MTHFD2L: variants seen among roughly 807,000 people sequenced by gnomAD.
MTHFD2L encodes bifunctional methylenetetrahydrofolate dehydrogenase/cyclohydrolase 2, mitochondrial.
Under a neutral mutation model 34.9 loss-of-function variants are expected in MTHFD2L, and 29 were observed. The ratio of observed to expected loss-of-function variants is 0.83; its 90% confidence interval spans 0.62 to 1.13. The LOEUF (loss-of-function observed/expected upper bound fraction) is 1.13, where lower values mean the gene tolerates loss of function less well. Ranked by LOEUF, MTHFD2L falls within the 50% of genes most tolerant of loss-of-function variation. The pLI, the probability that MTHFD2L is intolerant of heterozygous loss-of-function variation, is 0.00. For missense variants in MTHFD2L, 481 were observed against 446.5 expected (o/e 1.08, Z -0.70); for synonymous variants, 167 against 155.7 (o/e 1.07, Z -0.54).
intron 5 of MTHFD2L, among the ~76,000 whole-genome samples, chr4:74,205,858 A>C (rs1735206308): frequency 6.6e-6 from 1 of 152,118 alleles, no homozygotes; most frequent in Admixed American, 6.6e-5. Context: ...TATGATATAC[A>C]AGTATGGGTA....
chr4:74,140,866 C>T (rs141271964), intron 1 of MTHFD2L, among the ~76,000 whole-genome samples: 295 of 152,264 alleles, frequency 1.9e-3, no homozygotes, highest in African/African-American at 6.0e-3. Context: ...ACTGCCCCCA[C>T]GATTCAATTT....
chr4:74,167,223 A>G (rs546889886), intron 1 of MTHFD2L, among the ~76,000 whole-genome samples: 1 of 152,328 alleles, frequency 6.6e-6, no homozygotes, highest in South Asian at 2.1e-4. Flanking sequence ...CAAGGGCTTT[A>G]GCAGCAAGCC....
intron 7 of MTHFD2L, among the ~76,000 whole-genome samples, chr4:74,292,484 A>G (rs940836830): frequency 6.6e-5 from 10 of 152,108 alleles, no homozygotes; most frequent in South Asian, 2.1e-4. Flanking sequence ...AGGCCCTGCC[A>G]AGAGATTTGG....
upstream of MTHFD2L, among the ~76,000 whole-genome samples, chr4:74,154,282 G>T (rs948078144): frequency 6.6e-6 from 1 of 152,130 alleles, no homozygotes; most frequent in Admixed American, 6.5e-5. Flanking sequence ...GGTAGTGTTT[G>T]TCAGGTTTCT....
intron 1 of MTHFD2L, among the ~76,000 whole-genome samples, chr4:74,131,965 G>A (rs1271620533): frequency 6.6e-6 from 1 of 152,112 alleles, no homozygotes; most frequent in Non-Finnish European, 1.5e-5. Flanking sequence ...CATTTATGCG[G>A]CCAAAAAAAC....
intron 3 of MTHFD2L, among the ~76,000 whole-genome samples, chr4:74,189,876 G>A (rs1188054060): frequency 6.6e-6 from 1 of 151,730 alleles, no homozygotes; most frequent in Non-Finnish European, 1.5e-5. Context: ...AAGGCCCTAT[G>A]GAAGATGGAT....
At chr4:74,258,574 G>T (rs924064854) in intron 6 of MTHFD2L, among the ~76,000 whole-genome samples, 1 of 152,104 alleles carries the variant, frequency 6.6e-6, no homozygotes, top group African/African-American at 2.4e-5. Flanking sequence ...CAGGACTTGA[G>T]TATATGAGGA....
At chr4:74,271,092 C>G (rs1337840905) in intron 6 of MTHFD2L, among the ~76,000 whole-genome samples, 1 of 152,040 alleles carries the variant, frequency 6.6e-6, no homozygotes. Flanking sequence ...GATGAGTAGA[C>G]TGCAAAAATA....
At chr4:74,235,182 A>T (rs908969539) in intron 6 of MTHFD2L, among the ~76,000 whole-genome samples, 1 of 152,164 alleles carries the variant, frequency 6.6e-6, no homozygotes, top group Non-Finnish European at 1.5e-5. Context: ...AATAATTAGA[A>T]GCACTGAAAT....
chr4:74,236,904 G>T (rs1442467434), intron 6 of MTHFD2L, among the ~76,000 whole-genome samples: 1 of 151,168 alleles, frequency 6.6e-6, no homozygotes, highest in Non-Finnish European at 1.5e-5. Context: ...CTCTTTTTAG[G>T]TTTTTTTTTA....
rs111959724 is a variant in MTHFD2L at position 74,260,170 on chromosome 4, G to A, written c.806-21255G>A. On this transcript the variant is annotated intron_variant, in intron 6 of 7. Coordinates refer to ENST00000325278, the MANE Select transcript of MTHFD2L (RefSeq NM_001144978.3). ...GCCTCCTATAGCTAGCATCCCACAG[G>A]TCTGTGGCAAGAGTGGGCCACTCTA... Among the ~76,000 whole-genome samples the A allele has an allele frequency of 2.7e-3, 407 of 152,292 alleles. 4 individuals are homozygous for A. Among genetic ancestry groups the A allele is most frequent in the Non-Finnish European group, 4.6e-3 (315 of 68,012 alleles).
At chr4:74,128,944 T>C (rs1722272639) in intron 1 of MTHFD2L, among the ~76,000 whole-genome samples, 1 of 152,108 alleles carries the variant, frequency 6.6e-6, no homozygotes, top group African/African-American at 2.4e-5. Context: ...AATTTGTTTC[T>C]TGTTTTCTGG....
At chr4:74,203,006 T>C (rs868656942) in intron 5 of MTHFD2L, among the ~76,000 whole-genome samples, 1 of 152,202 alleles carries the variant, frequency 6.6e-6, no homozygotes, top group Non-Finnish European at 1.5e-5. Context: ...ATGATACTTA[T>C]GACATAATTT....
At chr4:74,138,146 A>G (rs1320429098) in intron 1 of MTHFD2L, among the ~76,000 whole-genome samples, 2 of 152,070 alleles carry the variant, frequency 1.3e-5, no homozygotes, top group Non-Finnish European at 2.9e-5. Flanking sequence ...AAAAGTTGAC[A>G]TATCTCTGTC....
At chr4:74,185,370 A>G (rs1731009591) in intron 3 of MTHFD2L, among the ~76,000 whole-genome samples, 1 of 152,028 alleles carries the variant, frequency 6.6e-6, no homozygotes, top group Non-Finnish European at 1.5e-5. Context: ...ATATCTTAGA[A>G]AAGAAAAAAA....
At chr4:74,247,443 C>T (rs1742638873) in intron 6 of MTHFD2L, among the ~76,000 whole-genome samples, 1 of 151,918 alleles carries the variant, frequency 6.6e-6, no homozygotes, top group African/African-American at 2.4e-5. Context: ...AATTTGACTT[C>T]CTCTTTTCCT....
intron 3 of MTHFD2L, chr4:74,195,050 G>A (rs2110035060): frequency 6.6e-6 from 1 of 152,336 alleles, no homozygotes; most frequent in Admixed American, 6.5e-5. Context: ...TAGGGATTTA[G>A]CCTAGGTGAC....
chr4:74,235,371 T>C lies in MTHFD2L; in HGVS notation c.805+9977T>C, dbSNP rs574435036. ...GAGACTAAGTATATGGTGTTGCCAT[T>C]AACAAGGAAGGTATATAGAAAGGAA... On this transcript the variant is annotated intron_variant, in intron 6 of 7. Coordinates refer to ENST00000325278, the MANE Select transcript of MTHFD2L (RefSeq NM_001144978.3). 5.5e-4 allele frequency among the ~76,000 whole-genome samples: 84 copies of C among 152,240 alleles called. 1 individual carries two copies. The highest frequency in any genetic ancestry group is 9.8e-4 in the Admixed American group (15 of 15,278).
chr4:74,270,521 T>C lies in MTHFD2L; in HGVS notation c.806-10904T>C, dbSNP rs192488943. ...GAACTCATCATTTTTTATGGCTACA[T>C]AGTATTCCATGGTGTATATGTGCCA... On this transcript the variant is annotated intron_variant, in intron 6 of 7. Transcript: ENST00000325278. 3.4e-3 allele frequency among the ~76,000 whole-genome samples: 522 copies of C among 152,326 alleles called. 6 individuals are homozygous for C. Among genetic ancestry groups the C allele is most frequent in the African/African-American group, 0.012 (482 of 41,570 alleles).
Sources: gnomAD v4.1 joint callset for allele counts (sites outside exome capture counted in the v4.1 genomes callset) on GRCh38, gnomAD v4.1.1 for gene constraint, MANE v1.5 for transcripts, NCBI Gene and HGNC (gene_info 2026-07-23, HGNC 2026-07-21) for gene names.